STOML3: variants seen among roughly 807,000 people sequenced by gnomAD.
STOML3 encodes the protein stomatin like 3.
STOML3 carries 31 observed loss-of-function variants against 29.5 expected under a neutral mutation model. The ratio of observed to expected loss-of-function variants is 1.05; its 90% confidence interval spans 0.79 to 1.42. The LOEUF (loss-of-function observed/expected upper bound fraction) is 1.42, where lower values mean the gene tolerates loss of function less well. Among genes scored for constraint, STOML3 ranks in the 40% most tolerant of loss-of-function variants. The pLI, the probability that STOML3 is intolerant of heterozygous loss-of-function variation, is 0.00. For missense variants in STOML3, 380 were observed against 363.0 expected (o/e 1.05, Z -0.38); for synonymous variants, 122 against 139.8 (o/e 0.87, Z 0.90).
At chr13:38,974,295 A>C (rs1880993389) in intron 3 of STOML3, among the ~76,000 whole-genome samples, 1 of 152,058 alleles carries the variant, frequency 6.6e-6, no homozygotes, top group Non-Finnish European at 1.5e-5. Flanking sequence ...TTCTGGGGCC[A>C]AACACCGTGT....
At chr13:38,979,346 G>GA (rs1377943748) in intron 1 of STOML3, among the ~76,000 whole-genome samples, 1 of 150,880 alleles carries the variant, frequency 6.6e-6, no homozygotes, top group African/African-American at 2.4e-5. Flanking sequence ...ATTCTCATTG[G>GA]AAAAAAAAAT....
At chr13:38,969,907 T>C (rs895163253) in intron 5 of STOML3, among the ~76,000 whole-genome samples, 1 of 152,222 alleles carries the variant, frequency 6.6e-6, no homozygotes, top group Non-Finnish European at 1.5e-5. Context: ...AGACTATACT[T>C]GTAAGACGTT....
At chr13:38,967,363 A>C (rs888128889) in intron 6 of STOML3, among the ~76,000 whole-genome samples, 2 of 152,220 alleles carry the variant, frequency 1.3e-5, no homozygotes, top group Admixed American at 6.5e-5. Context: ...AGCACTTTGG[A>C]GCCTCACTAC....
chr13:38,985,889 C>CTTTTTTTTTTT (rs200028643), intron 1 of STOML3, among the ~76,000 whole-genome samples: 2 of 61,374 alleles, frequency 3.3e-5, no homozygotes, highest in Non-Finnish European at 7.8e-5. Context: ...GTGGCTATTT[C>CTTTTTTTTTTT]TTTTTTTTTT....
At chr13:38,983,808 C>G (rs1394454209) in intron 1 of STOML3, among the ~76,000 whole-genome samples, 2 of 152,164 alleles carry the variant, frequency 1.3e-5, no homozygotes, top group Non-Finnish European at 2.9e-5. Flanking sequence ...AAGTTTACAA[C>G]ACATTATCTA....
At chr13:38,989,972 C>A (rs1566212787) in intron 1 of STOML3, among the ~76,000 whole-genome samples, 1 of 151,982 alleles carries the variant, frequency 6.6e-6, no homozygotes, top group African/African-American at 2.4e-5. Flanking sequence ...ACTTTCTGAA[C>A]AACTTTTTAA....
chr13:38,989,790 A>G (rs76385436), intron 1 of STOML3, among the ~76,000 whole-genome samples: 13,904 of 152,154 alleles, frequency 0.091, 765 homozygotes, highest in Admixed American at 0.13. Flanking sequence ...GCACCAGTGC[A>G]TGCAGCCTAG....
rs369471573 is a variant in STOML3, at chr13:38,966,814, G to T, written c.*11C>A. On this transcript the variant is annotated 3_prime_UTR_variant, in exon 7 of 7. Transcript: ENST00000379631. The stretch of plus-strand genomic sequence containing the variant: ...ACTCTCTATGCAATAGCTGACTACC[G>T]CAAGAGGACCTCAGGCTTTATTTGG... The T allele has an allele frequency of 3.5e-5, 57 of 1,609,348 alleles. No individual in the cohort carries two copies. The African/African-American group carries it at 5.5e-4, about 15-fold the overall frequency.
At chr13:38,971,797 C>A (rs186379682) in intron 4 of STOML3, among the ~76,000 whole-genome samples, 11 of 152,132 alleles carry the variant, frequency 7.2e-5, no homozygotes, top group Admixed American at 7.2e-4. Context: ...TGGTGACAGG[C>A]ACCTGTAATC....
chr13:38,967,183 C>A, intron 6 of STOML3, 134 bp from the exon 7 acceptor site: 3 of 758,924 alleles, frequency 4.0e-6, no homozygotes, highest in Non-Finnish European at 6.2e-6. Context: ...ACTTCTTTGG[C>A]GAGGATAAGT....
At chr13:38,983,014 G>A (rs536137835) in intron 1 of STOML3, among the ~76,000 whole-genome samples, 2 of 152,250 alleles carry the variant, frequency 1.3e-5, no homozygotes, top group East Asian at 3.9e-4. Context: ...ACACAGGCAT[G>A]AGTGACTATT....
rs148244250 is a variant in STOML3, at chr13:38,987,623, T to G, written c.52+3047A>C. Among the ~76,000 whole-genome samples, 3 of 146,578 alleles carry G rather than the reference T, an allele frequency of 2.0e-5. No individual in the cohort carries two copies. In the East Asian group the frequency reaches 5.9e-4, roughly 29 times the overall value. The stretch of plus-strand genomic sequence containing the variant: ...CATTTGTGAAGACAAATGTCTGTAA[T>G]GCTTACAGGACTGAATAACATTGCC... On this transcript the variant is annotated intron_variant, in intron 1 of 6. Coordinates refer to ENST00000379631, the MANE Select transcript of STOML3 (RefSeq NM_145286.3).
At chr13:38,974,304 G>GT (rs112987880) in intron 3 of STOML3, among the ~76,000 whole-genome samples, 68 of 152,194 alleles carry the variant, frequency 4.5e-4, no homozygotes, top group African/African-American at 1.5e-3. Flanking sequence ...CAAACACCGT[G>GT]TAAAGGGGTG....
At chr13:38,978,606 C>T (rs1271542774) in intron 1 of STOML3, among the ~76,000 whole-genome samples, 2 of 152,172 alleles carry the variant, frequency 1.3e-5, no homozygotes, top group East Asian at 3.9e-4. Context: ...CCTACAAACG[C>T]CATATACTGT....
Position 38,967,132 on chromosome 13 carries a change from C to A in STOML3, c.652-83G>T, listed in dbSNP as rs368544219. 95 of 1,245,164 alleles carry A rather than the reference C, an allele frequency of 7.6e-5. No homozygotes were observed. The African/African-American group carries it at 1.2e-3, about 15-fold the overall frequency. The allele number at this position is 1,245,164 out of a possible 1,614,324, so 77.1% of individuals were successfully genotyped here. A position where few individuals can be genotyped will look rare whatever the true frequency, so the allele number is the denominator to read the frequency against. On this transcript the variant is annotated intron_variant, in intron 6 of 6. Coordinates refer to ENST00000379631, the MANE Select transcript of STOML3 (RefSeq NM_145286.3). ...TTCTTTTTCTGGGTCTGTATTGATACCCCTCTCCCCAGCCCCCATGTTGCC... is the reference window on the plus strand; with the variant it reads ...TTCTTTTTCTGGGTCTGTATTGATAACCCTCTCCCCAGCCCCCATGTTGCC...
intron 1 of STOML3, among the ~76,000 whole-genome samples, chr13:38,977,220 A>G (rs1247622757): frequency 6.6e-6 from 1 of 152,222 alleles, no homozygotes; most frequent in African/African-American, 2.4e-5. Context: ...AAGTACTATT[A>G]TCCCCAGAGG....
chr13:38,968,494 A>C lies in STOML3; in HGVS notation c.557T>G (p.Val186Gly). 3 of 1,614,138 alleles carry C rather than the reference A, an allele frequency of 1.9e-6. No homozygotes were observed. The highest frequency in any genetic ancestry group is 2.5e-6 in the Non-Finnish European group (3 of 1,180,018). ...AACATCTTTGATTTCCACTCGGGCC[A>C]CCCGGATCCCCCACAGTTCGGTGGC... ...DDATELWGIRVARVEIKDVRI... is the reference protein window; with the variant it reads ...DDATELWGIRGARVEIKDVRI... Residue 186 changes from valine (V) to glycine (G), a missense_variant, in exon 6 of 7, where the codon GTG (valine) becomes GGG (glycine). Transcript: ENST00000379631.
intron 3 of STOML3, among the ~76,000 whole-genome samples, chr13:38,974,152 G>A (rs1296253640): frequency 6.6e-6 from 1 of 152,114 alleles, no homozygotes; most frequent in Non-Finnish European, 1.5e-5. Flanking sequence ...TTAACCTGGT[G>A]AATGTTGTTC....
chr13:38,981,451 A>C (rs1881264443), intron 1 of STOML3, among the ~76,000 whole-genome samples: 1 of 152,156 alleles, frequency 6.6e-6, no homozygotes, highest in Non-Finnish European at 1.5e-5. Context: ...GCCCAACTTA[A>C]ATTATATTAG....
Sources: gnomAD v4.1 joint callset for allele counts (sites outside exome capture counted in the v4.1 genomes callset) on GRCh38, gnomAD v4.1.1 for gene constraint, MANE v1.5 for transcripts, NCBI Gene and HGNC (gene_info 2026-07-23, HGNC 2026-07-21) for gene names.